Variants in PRDX2 observed in about 807,000 individuals in gnomAD.
PRDX2 encodes the protein peroxiredoxin 2.
In PRDX2, 10 loss-of-function variants were observed where a neutral mutation model predicts 19.8. The ratio of observed to expected loss-of-function variants is 0.50; its 90% CI spans 0.31 to 0.86. The LOEUF (loss-of-function observed/expected upper bound fraction) is 0.86. Among genes scored for constraint, PRDX2 ranks in the 40% least tolerant of loss-of-function variants. The pLI is 0.04. For missense variants in PRDX2, 226 were observed against 260.1 expected, an observed-to-expected ratio of 0.87 and a Z score of 0.90; for synonymous variants, 118 against 108.2, an observed-to-expected ratio of 1.09 and a Z score of -0.56.
rs1968870265 is a variant in PRDX2 at position 12,800,404 on chromosome 19, C to T, written c.258-105G>A. 4.1e-6 allele frequency: 6 copies of T among 1,448,354 alleles called. No homozygotes were observed. In the East Asian group the frequency reaches 9.2e-5, roughly 22 times the overall value. 89.7% of individuals were successfully genotyped at this position (1,448,354 alleles called of 1,614,324 possible). On this transcript the variant is annotated intron_variant, in intron 3 of 5. Transcript: ENST00000301522. ...AGCACTGGAGGCCGGAGATAAGGGG[C>T]TTTAGAGTAGGCCGCTGGGAGCCTC... is the stretch of plus-strand genomic sequence containing the variant.
At position 12,797,165 on chromosome 19, in the gene PRDX2, A is replaced by G. The variant is rs1968804431; in HGVS notation, c.513T>C (p.Val171=). Residue 171 remains valine (V), a splice_region_variant and synonymous_variant, in exon 6 of 6, where the codon GTT becomes GTC. Coordinates refer to ENST00000301522, the MANE Select transcript of PRDX2 (RefSeq NM_005809.6). ...TGCCAGGCTTCCAGCCAGCGGGACA[A>G]ACTGTGGGAAGACACAAGGATGCAC... ...AFQYTDEHGE[V]CPAGWKPGSD... 6.2e-7 allele frequency: 1 copy of G among 1,613,896 alleles called. No individual in the cohort carries two copies. The highest frequency in any genetic ancestry group is 2.2e-5 in the East Asian group (1 of 44,886).
rs1054556634 is a variant in PRDX2 at position 12,799,802 on chromosome 19, G to A, written c.511+57C>T. 6 of 1,585,870 alleles carry A rather than the reference G, an allele frequency of 3.8e-6. No individual in the cohort carries two copies. The African/African-American group carries it at 8.1e-5, about 21-fold the overall frequency. On this transcript the variant is annotated intron_variant, in intron 5 of 5. Coordinates refer to ENST00000301522, the MANE Select transcript of PRDX2 (RefSeq NM_005809.6). ...GTAAGAGGACAGGCAGTGAATGTTT[G>A]CATGAGTGACGGAGGCGCTCAGTAT...
chr19:12,800,187 T>C lies in PRDX2; in HGVS notation c.370A>G (p.Ile124Val), dbSNP rs910643422. The change falls in exon 4 of 6, where the codon ATT (isoleucine) becomes GTT (valine). Residue 124 changes from isoleucine to valine, a missense_variant. Physicochemically the swap from Ile to Val is conservative, Grantham distance 29. Coordinates refer to ENST00000301522, the MANE Select transcript of PRDX2 (RefSeq NM_005809.6). ...DYGVLKTDEG[I>V]AYRGLFIIDG... The stretch of plus-strand genomic sequence containing the variant: ...AGGGTCCCACAGTACCTGTAGGCAA[T>C]GCCCTCATCTGTTTTCAGCACGCCG... 6.2e-6 allele frequency: 10 copies of C among 1,613,704 alleles called. No individual in the cohort carries two copies. Among genetic ancestry groups the C allele is most frequent in the Middle Eastern group, 1.6e-4 (1 of 6,076 alleles).
chr19:12,798,623 T>C (rs1242626145), intron 5 of PRDX2, among the ~76,000 whole-genome samples: 1 of 150,102 alleles, frequency 6.7e-6, no homozygotes, highest in African/African-American at 2.5e-5. Context: ...AATGCTGGGA[T>C]TACAGGTGTG....
At position 12,801,287 on chromosome 19, in the gene PRDX2, G is replaced by C. The variant is rs757813893; in HGVS notation, c.-9-17C>G. The C allele has an allele frequency of 3.4e-5, 54 of 1,596,058 alleles. No individual in the cohort carries two copies. The highest frequency in any genetic ancestry group is 4.2e-5 in the Non-Finnish European group (49 of 1,171,760). ...GACTGAAAGCTGAGACCCCCGCCCGGTCAGTGCGCCCGGGAAGACACTTTG... is the reference window on the plus strand; with the variant it reads ...GACTGAAAGCTGAGACCCCCGCCCGCTCAGTGCGCCCGGGAAGACACTTTG... On this transcript the variant is annotated splice_polypyrimidine_tract_variant and intron_variant, in intron 1 of 5. Transcript: ENST00000301522.
chr19:12,796,964 T>G lies in PRDX2; in HGVS notation c.*117A>C. On this transcript the variant is annotated 3_prime_UTR_variant, in exon 6 of 6. Coordinates refer to ENST00000301522, the MANE Select transcript of PRDX2 (RefSeq NM_005809.6). ...CCTCCAGGGTCCCATACTGTGGAGTTTGGAGGGGCAGGTCTGGCCTTTCCT... is the reference window on the plus strand; with the variant it reads ...CCTCCAGGGTCCCATACTGTGGAGTGTGGAGGGGCAGGTCTGGCCTTTCCT... The G allele has an allele frequency of 4.1e-6, 4 of 980,194 alleles. No individual in the cohort carries two copies. Among genetic ancestry groups the G allele is most frequent in the Non-Finnish European group, 6.2e-6 (4 of 644,992 alleles). 60.7% of individuals were successfully genotyped at this position (980,194 alleles called of 1,614,324 possible).
At chr19:12,800,448 TG>T in intron 3 of PRDX2, 149 bp from the exon 4 acceptor site, 1 of 1,068,114 alleles carries the variant, frequency 9.4e-7, no homozygotes, top group South Asian at 1.6e-5. Context: ...CACCCTGGGT[TG>T]GGTGCAAGGA....
Position 12,800,977 on chromosome 19 carries a change from G to A in PRDX2, c.196C>T (p.Arg66Cys), listed in dbSNP as rs374034927. Reference protein sequence around the residue: ...IAFSNRAEDFRKLGCEVLGVS... With the variant: ...IAFSNRAEDFCKLGCEVLGVS... ...CCCAGCACTTCACAGCCCAGCTTGC[G>A]GAAGTCCTCTGCACGGTTGCTGAAC... is the stretch of plus-strand genomic sequence containing the variant. The change falls in exon 3 of 6, where the codon CGC (arginine) becomes TGC (cysteine). Residue 66 changes from arginine to cysteine, a missense_variant. Arg to Cys is a radical substitution (Grantham distance 180, BLOSUM62 -3). Coordinates refer to ENST00000301522, the MANE Select transcript of PRDX2 (RefSeq NM_005809.6). 1.0e-4 allele frequency: 164 copies of A among 1,612,028 alleles called. No homozygotes were observed. Among genetic ancestry groups the A allele is most frequent in the Middle Eastern group, 1.6e-4 (1 of 6,084 alleles).
intron 3 of PRDX2, 36 bp downstream of exon 3, chr19:12,800,880 T>C (rs1158222410): frequency 2.5e-6 from 4 of 1,577,608 alleles, no homozygotes; most frequent in South Asian, 1.2e-5. Flanking sequence ...GGGTGTGAGC[T>C]TAGCTGCAAC....
intron 3 of PRDX2, 88 bp downstream of exon 3, chr19:12,800,828 G>A: frequency 6.4e-7 from 1 of 1,552,684 alleles, no homozygotes; most frequent in Non-Finnish European, 8.7e-7. Flanking sequence ...GCAGGTTCCA[G>A]AGGTTGAGCA....
intron 5 of PRDX2, 77 bp downstream of exon 5, chr19:12,799,770 TGGACAGGTAAGA>T (rs1465908458): frequency 6.6e-6 from 10 of 1,525,558 alleles, no homozygotes; most frequent in Non-Finnish European, 8.0e-6. Context: ...AACACCCATC[TGGACAGGTAAGA>T]GGACAGGCAG....
At chr19:12,800,603 C>A (rs1968874403) in intron 3 of PRDX2, 25 of 1,128,794 alleles carry the variant, frequency 2.2e-5, no homozygotes, top group Non-Finnish European at 3.0e-5. Flanking sequence ...TCATGGGGTA[C>A]AGCCCTTCAC....
chr19:12,796,924 AGGCCTT>A lies in PRDX2; in HGVS notation c.*151_*156del. On this transcript the variant is annotated 3_prime_UTR_variant, in exon 6 of 6. Transcript: ENST00000301522. Reference sequence around the variant, plus strand: ...TCAGCTTCTAGGTGGAGGCATGAGAAGGCCTTGGCCTAGCCCTCCAGGGTCCCATAC... The same window carrying A: ...TCAGCTTCTAGGTGGAGGCATGAGAAGGCCTAGCCCTCCAGGGTCCCATAC... 1.5e-6 allele frequency: 1 copy of A among 664,006 alleles called. No homozygotes were observed. Among genetic ancestry groups the A allele is most frequent in the Non-Finnish European group, 2.5e-6 (1 of 393,076 alleles). 41.1% of individuals were successfully genotyped at this position (664,006 alleles called of 1,614,324 possible). A position where few individuals can be genotyped will look rare whatever the true frequency, so the allele number is the denominator to read the frequency against.
chr19:12,800,625 G>A (rs1317722180), intron 3 of PRDX2: 2 of 1,306,588 alleles, frequency 1.5e-6, no homozygotes, highest in Non-Finnish European at 2.0e-6. Flanking sequence ...TCGGTGAACT[G>A]GAGTTTCCAT....
intron 5 of PRDX2, 39 bp downstream of exon 5, chr19:12,799,820 C>T (rs1968856063): frequency 6.2e-7 from 1 of 1,601,300 alleles, no homozygotes; most frequent in Admixed American, 1.7e-5. Flanking sequence ...GACGGAGGCG[C>T]TCAGTATGTA....
intron 3 of PRDX2, 62 bp downstream of exon 3, chr19:12,800,854 C>T (rs1162241366): frequency 6.4e-7 from 1 of 1,560,002 alleles, no homozygotes; most frequent in East Asian, 2.4e-5. Flanking sequence ...CACGAAGCCA[C>T]ACTGCTAGGA....
Position 12,800,209 on chromosome 19 carries a change from G to T in PRDX2, c.348C>A (p.Gly116=), listed in dbSNP as rs201040750. ...DVTRRLSEDY[G]VLKTDEGIAY... ...CAATGCCCTCATCTGTTTTCAGCAC[G>T]CCGTAATCCTCAGACAAGCGTCTGG... Residue 116 remains glycine, a synonymous_variant, in exon 4 of 6, where the codon GGC becomes GGA. Coordinates refer to ENST00000301522, the MANE Select transcript of PRDX2 (RefSeq NM_005809.6). The T allele has an allele frequency of 3.1e-6, 5 of 1,613,878 alleles. No homozygotes were observed. In the East Asian group the frequency reaches 1.1e-4, roughly 36 times the overall value.
In PRDX2 at chr19:12,801,162, T is replaced by C; in HGVS notation, c.100A>G (p.Lys34Glu). 6.2e-7 allele frequency: 1 copy of C among 1,613,920 alleles called. No individual in the cohort carries two copies. Among genetic ancestry groups the C allele is most frequent in the Non-Finnish European group, 8.5e-7 (1 of 1,180,014 alleles). The change falls in exon 2 of 6, where the codon AAA (lysine) becomes GAA (glutamate). Residue 34 changes from lysine to glutamate, a missense_variant. Physicochemically the swap from Lys to Glu is moderately conservative, Grantham distance 56. Transcript: ENST00000301522. ...AFKEVKLSDY[K>E]GKYVVLFFYP... ...GCCCCCTCCGGGCGGCGCTCACCTT[T>C]GTAGTCCGACAGCTTCACCTCTTTG...
Position 12,799,841 on chromosome 19 carries a change from A to C in PRDX2, c.511+18T>G, listed in dbSNP as rs758716834. ...GGCGCTCAGTATGTACCCATGTGTC[A>C]TGTGTGTATCTGCTCACCTTCCCCA... On this transcript the variant is annotated intron_variant, in intron 5 of 5. Transcript: ENST00000301522. The C allele has an allele frequency of 6.2e-7, 1 of 1,610,834 alleles. No individual in the cohort carries two copies. Among genetic ancestry groups the C allele is most frequent in the Admixed American group, 1.7e-5 (1 of 59,848 alleles).
Sources: gnomAD v4.1 joint callset for allele counts (sites outside exome capture counted in the v4.1 genomes callset) on GRCh38, gnomAD v4.1.1 for gene constraint, MANE v1.5 for transcripts, NCBI Gene and HGNC (gene_info 2026-07-23, HGNC 2026-07-21) for gene names.